Variants in ACACB observed in about 807,000 individuals in gnomAD.
ACACB encodes the protein acetyl-CoA carboxylase beta.
ACACB carries 209 observed loss-of-function variants against 278.8 expected under a neutral mutation model. That is an observed-to-expected ratio of 0.75 (90% confidence interval 0.67 to 0.84). The LOEUF (loss-of-function observed/expected upper bound fraction) is 0.84, where lower values mean the gene tolerates loss of function less well. ACACB is among the 40% of genes least tolerant of loss of function. The pLI, the probability that ACACB is intolerant of heterozygous loss-of-function variation, is 0.00. For missense variants in ACACB, 2,850 were observed against 3,269.0 expected, an observed-to-expected ratio of 0.87 and a Z score of 3.13; for synonymous variants, 1,174 against 1,285.6, an observed-to-expected ratio of 0.91 and a Z score of 1.86.
rs202074411 is a variant in ACACB at position 109,128,752 on chromosome 12, C to CT, written c.-9-10631dup. Among the ~76,000 whole-genome samples, 610 of 139,390 alleles carry CT rather than the reference C, an allele frequency of 4.4e-3. 2 individuals carry two copies. Among genetic ancestry groups the CT allele is most frequent in the African/African-American group, 5.6e-3 (216 of 38,296 alleles). The allele number at this position is 139,390 out of a possible 152,430, so 91.4% of individuals were successfully genotyped here. The stretch of plus-strand genomic sequence containing the variant: ...TCTACAGAAGTACTTTTGTTGCTTT[C>CT]TTTTTTTTTTTTTTAAAGCAATAAT... On this transcript the variant is annotated intron_variant, in intron 1 of 52. Transcript: ENST00000338432.
chr12:109,113,630 A>C (rs1427687857), upstream of ACACB, among the ~76,000 whole-genome samples: 5 of 128,024 alleles, frequency 3.9e-5, no homozygotes, highest in African/African-American at 1.8e-4. Context: ...GTATGCTTGC[A>C]TTATTAGATA....
intron 10 of ACACB, 71 bp downstream of exon 10, chr12:109,179,368 T>C: frequency 6.7e-7 from 1 of 1,497,424 alleles, no homozygotes; most frequent in Non-Finnish European, 9.1e-7. Flanking sequence ...AAGAACTTTC[T>C]ACGGTCAGTG....
intron 48 of ACACB, among the ~76,000 whole-genome samples, chr12:109,261,402 C>G (rs1307243759): frequency 6.6e-6 from 1 of 152,152 alleles, no homozygotes; most frequent in East Asian, 1.9e-4. Flanking sequence ...TTGTTAGGGA[C>G]TGCTGAGGTC....
At position 109,166,981 on chromosome 12, in the gene ACACB, G is replaced by C. The variant is rs2043930086; in HGVS notation, c.774G>C (p.Arg258=). ...AEFVTRFGGD[R]VIEKVLIANN... Reference sequence around the variant, plus strand: ...TTGTCACACGCTTTGGGGGGGATCGGGTCATCGAGAAGGTACAGATGGGTC... The same window carrying C: ...TTGTCACACGCTTTGGGGGGGATCGCGTCATCGAGAAGGTACAGATGGGTC... Residue 258 remains arginine, a synonymous_variant, in exon 3 of 53, where the codon CGG becomes CGC. Coordinates refer to ENST00000338432, the MANE Select transcript of ACACB (RefSeq NM_001093.4). 6.2e-7 allele frequency: 1 copy of C among 1,613,922 alleles called. No homozygotes were observed. The highest frequency in any genetic ancestry group is 1.1e-5 in the South Asian group (1 of 91,064).
chr12:109,234,708 C>T (rs570742653), intron 31 of ACACB, among the ~76,000 whole-genome samples: 36 of 151,796 alleles, frequency 2.4e-4, no homozygotes, highest in Non-Finnish European at 4.6e-4. Context: ...GAACAGAAAA[C>T]CAAACACCGC....
chr12:109,193,844 G>A, intron 16 of ACACB, 115 bp downstream of exon 16: 1 of 880,652 alleles, frequency 1.1e-6, no homozygotes, highest in East Asian at 2.6e-5. Flanking sequence ...TTGAGCTCTT[G>A]TGTTCCTCGG....
At chr12:109,166,750 G>A in intron 2 of ACACB, 111 bp from the exon 3 acceptor site, 5 of 1,379,410 alleles carry the variant, frequency 3.6e-6, no homozygotes, top group Non-Finnish European at 4.0e-6. Flanking sequence ...TGCAAAGCAG[G>A]GGGGCTCTGG....
In ACACB at chr12:109,253,037, C is replaced by T. The variant is rs17848833; in HGVS notation, c.5924C>T (p.Thr1975Ile). The change falls in exon 43 of 53, where the codon ACA becomes ATA. Residue 1975 changes from threonine (T) to isoleucine (I), a missense_variant. By Grantham distance (89) the Thr-to-Ile change is moderately conservative. Around this residue, in one of 3 missense-constraint regions of ACACB, gnomAD observed 579 missense variants for 684.6 expected, o/e 0.85. Coordinates refer to ENST00000338432, the MANE Select transcript of ACACB (RefSeq NM_001093.4). ...LNKVLGREVY[T>I]SNNQLGGVQI... is the part of the protein sequence containing the mutation. ...CAGGTCCTGGGAAGAGAGGTCTACA[C>T]ATCCAACAACCAGCTGGGTGGCGTT... 78 of 1,611,786 alleles carry T rather than the reference C, an allele frequency of 4.8e-5. No homozygotes were observed. The East Asian group carries it at 1.7e-3, about 36-fold the overall frequency.
In ACACB at chr12:109,252,038, C is replaced by T. The variant is rs767526180; in HGVS notation, c.5791-8C>T. 3.7e-6 allele frequency: 6 copies of T among 1,605,842 alleles called. No individual in the cohort carries two copies. In the East Asian group the frequency reaches 9.0e-5, roughly 24 times the overall value. Reference sequence around the variant, plus strand: ...CTCCAGAATTCAGAGGGGGTCCTCTCTCCACAGGTGACCTGCCGAGCCATT... The same window carrying T: ...CTCCAGAATTCAGAGGGGGTCCTCTTTCCACAGGTGACCTGCCGAGCCATT... On this transcript the variant is annotated splice_polypyrimidine_tract_variant and splice_region_variant and intron_variant, in intron 41 of 52. Coordinates refer to ENST00000338432, the MANE Select transcript of ACACB (RefSeq NM_001093.4).
At chr12:109,158,080 T>C (rs1593426966) in intron 2 of ACACB, among the ~76,000 whole-genome samples, 1 of 152,154 alleles carries the variant, frequency 6.6e-6, no homozygotes, top group East Asian at 1.9e-4. Context: ...GACATGCTGA[T>C]GGGACCCCGA....
intron 2 of ACACB, among the ~76,000 whole-genome samples, chr12:109,145,818 GC>G (rs1049311386): frequency 1.9e-4 from 28 of 151,342 alleles, no homozygotes; most frequent in African/African-American, 6.8e-4. Flanking sequence ...GGCCAACACG[GC>G]AAAACCCCAT....
upstream of ACACB, among the ~76,000 whole-genome samples, chr12:109,115,366 A>AT (rs769392583): frequency 4.0e-5 from 6 of 151,800 alleles, no homozygotes; most frequent in African/African-American, 1.2e-4. Context: ...CTGGGAAAGA[A>AT]TTTTTTTTTC....
rs1262624309 is a variant in ACACB at position 109,188,074 on chromosome 12, G to A, written c.2056G>A (p.Val686Met). ...CAAGAACGTGTGGGGTTACTTCAGCGTGGCCGCTACTGGAGGCCTGCACGA... is the reference window on the plus strand; with the variant it reads ...CAAGAACGTGTGGGGTTACTTCAGCATGGCCGCTACTGGAGGCCTGCACGA... Reference protein sequence around the residue: ...SSKNVWGYFSVAATGGLHEFA... With the variant: ...SSKNVWGYFSMAATGGLHEFA... The change falls in exon 13 of 53, where the codon GTG becomes ATG. Residue 686 changes from valine (V) to methionine (M), a missense_variant. Coordinates refer to ENST00000338432, the MANE Select transcript of ACACB (RefSeq NM_001093.4). 3 of 1,613,638 alleles carry A rather than the reference G, an allele frequency of 1.9e-6. No individual in the cohort carries two copies. Among genetic ancestry groups the A allele is most frequent in the African/African-American group, 1.3e-5 (1 of 74,916 alleles).
chr12:109,265,214 G>A lies in ACACB; in HGVS notation c.7047G>A (p.Glu2349=). ...AGGAGATCCTGCAGGCCAGCGGGGA[G>A]CTGAGTCACGTGCATATCCAGTCCA... ...VKQEILQASG[E]LSHVHIQSML... The change falls in exon 51 of 53, where the codon GAG becomes GAA. Residue 2349 remains glutamate (E), a synonymous_variant. Transcript: ENST00000338432. The A allele has an allele frequency of 6.2e-7, 1 of 1,613,688 alleles. No individual in the cohort carries two copies. Among genetic ancestry groups the A allele is most frequent in the South Asian group, 1.1e-5 (1 of 91,082 alleles).
intron 22 of ACACB, among the ~76,000 whole-genome samples, chr12:109,213,182 G>C (rs1347129333): frequency 1.3e-5 from 2 of 152,132 alleles, no homozygotes; most frequent in Non-Finnish European, 2.9e-5. Flanking sequence ...TCCTGCCTCA[G>C]CCTCCCGAAT....
intron 44 of ACACB, among the ~76,000 whole-genome samples, chr12:109,255,212 T>C (rs528384302): frequency 1.3e-5 from 2 of 152,324 alleles, no homozygotes; most frequent in African/African-American, 2.4e-5. Flanking sequence ...CTTGGAGGTA[T>C]ATTATTTCAG....
intron 4 of ACACB, 127 bp downstream of exon 4, chr12:109,168,161 AT>A (rs1159975252): frequency 1.5e-5 from 15 of 1,033,720 alleles, no homozygotes; most frequent in Admixed American, 3.0e-5. Flanking sequence ...GTCTGTATTT[AT>A]TTGTCCTTCC....
chr12:109,227,332 G>A (rs1189390994), intron 27 of ACACB, 39 bp from the exon 28 acceptor site: 1 of 1,566,126 alleles, frequency 6.4e-7, no homozygotes, highest in Non-Finnish European at 8.7e-7. Flanking sequence ...ACTCTGCAGT[G>A]GCCCCTGAGA....
intron 2 of ACACB, among the ~76,000 whole-genome samples, chr12:109,157,845 A>C (rs2043592329): frequency 6.6e-6 from 1 of 152,202 alleles, no homozygotes; most frequent in Non-Finnish European, 1.5e-5. Context: ...TGTGGATCAG[A>C]GTGCAGAAGG....
Sources: allele counts gnomAD v4.1 joint callset (sites outside exome capture counted in the v4.1 genomes callset), GRCh38; gene constraint gnomAD v4.1.1; regional missense constraint gnomAD v4.1.1; transcripts MANE v1.5; gene names NCBI Gene and HGNC (gene_info 2026-07-23, HGNC 2026-07-21).